The following CDH12 variants were observed in gnomAD, a reference collection of about 807,000 sequenced individuals.
CDH12 encodes the protein cadherin 12.
A neutral mutation model predicts 74.1 loss-of-function variants in CDH12; 41 were observed. The observed-to-expected ratio is 0.55, with a 90% CI of 0.43 to 0.72. The LOEUF (loss-of-function observed/expected upper bound fraction) is 0.72. CDH12 is among the 30% of genes least tolerant of loss of function. The pLI, the probability that CDH12 is intolerant of heterozygous loss-of-function variation, is 0.00. For synonymous variants in CDH12, 399 were observed against 355.0 expected (o/e 1.12, Z -1.39); for missense variants, 945 against 977.2 (o/e 0.97, Z 0.44).
chr5:22,045,794 T>C (rs1457743491), intron 5 of CDH12, among the ~76,000 whole-genome samples: 2 of 152,058 alleles, frequency 1.3e-5, no homozygotes, highest in African/African-American at 4.8e-5. Flanking sequence ...CTGAGGAGGA[T>C]AGTGGTAGGA....
chr5:22,521,662 C>A (rs1356043898), intron 1 of CDH12, among the ~76,000 whole-genome samples: 4 of 152,128 alleles, frequency 2.6e-5, no homozygotes, highest in Non-Finnish European at 5.9e-5. Flanking sequence ...CTGTAAGGAG[C>A]CAGACACTAA....
intron 5 of CDH12, among the ~76,000 whole-genome samples, chr5:21,996,003 C>A (rs1371962073): frequency 1.3e-5 from 2 of 151,092 alleles, no homozygotes; most frequent in South Asian, 4.2e-4. Context: ...TCTGAGTACA[C>A]GTTGGTGCTA....
chr5:22,586,614 C>T (rs1740417222), intron 1 of CDH12, among the ~76,000 whole-genome samples: 2 of 151,316 alleles, frequency 1.3e-5, no homozygotes, highest in Non-Finnish European at 2.9e-5. Flanking sequence ...GATGAATAAA[C>T]ATTTTGAAGC....
chr5:22,598,551 C>T lies in CDH12; in HGVS notation c.-522-93187G>A, dbSNP rs920382611. Among the ~76,000 whole-genome samples, 45 of 152,068 alleles carry T rather than the reference C, an allele frequency of 3.0e-4. 1 individual carries two copies. The highest frequency in any genetic ancestry group is 1.5e-5 in the Non-Finnish European group (1 of 68,014). The stretch of plus-strand genomic sequence containing the variant: ...TAAACCTCTTTCCTTTATAAATTAC[C>T]CAGTTTGGGGTATTTCTTCATAGCA... On this transcript the variant is annotated intron_variant, in intron 1 of 14. Coordinates refer to ENST00000382254, the MANE Select transcript of CDH12 (RefSeq NM_004061.5).
At chr5:22,238,652 G>A (rs779848956) in intron 3 of CDH12, among the ~76,000 whole-genome samples, 4 of 152,194 alleles carry the variant, frequency 2.6e-5, no homozygotes, top group Non-Finnish European at 5.9e-5. Context: ...TATCCAACAT[G>A]TGTTGAGAAT....
At chr5:22,236,719 C>G (rs573655562) in intron 3 of CDH12, among the ~76,000 whole-genome samples, 1 of 152,268 alleles carries the variant, frequency 6.6e-6, no homozygotes, top group East Asian at 1.9e-4. Context: ...GCACGCCACT[C>G]TGGGCTATGG....
At chr5:22,006,351 C>A (rs1244906446) in intron 5 of CDH12, among the ~76,000 whole-genome samples, 1 of 151,878 alleles carries the variant, frequency 6.6e-6, no homozygotes, top group Non-Finnish European at 1.5e-5. Flanking sequence ...GAAATGCTTT[C>A]TCGGGTAATT....
At chr5:22,180,488 ATT>A (rs528439938) in intron 4 of CDH12, among the ~76,000 whole-genome samples, 1 of 82,904 alleles carries the variant, frequency 1.2e-5, no homozygotes, top group Non-Finnish European at 2.8e-5. Context: ...ACAGTTTTTG[ATT>A]TTTTTTTGTT....
chr5:22,488,386 A>G (rs777307771), intron 2 of CDH12, among the ~76,000 whole-genome samples: 2 of 152,168 alleles, frequency 1.3e-5, no homozygotes, highest in Admixed American at 6.5e-5. Context: ...TGTCATGGCT[A>G]TCTTAAAAAA....
intron 2 of CDH12, among the ~76,000 whole-genome samples, chr5:22,451,802 T>C (rs1190079113): frequency 2.6e-5 from 4 of 151,906 alleles, no homozygotes; most frequent in African/African-American, 9.7e-5. Context: ...CATTATCTTG[T>C]ATATATAAAA....
intron 1 of CDH12, among the ~76,000 whole-genome samples, chr5:22,668,646 T>C (rs114566476): frequency 0.013 from 1,918 of 152,244 alleles, 35 homozygotes; most frequent in African/African-American, 0.044. Flanking sequence ...CTCTCTCTTA[T>C]GGTAACCCAT....
intron 3 of CDH12, among the ~76,000 whole-genome samples, chr5:22,217,371 T>C (rs1751842837): frequency 6.6e-6 from 1 of 151,816 alleles, no homozygotes; most frequent in South Asian, 2.1e-4. Flanking sequence ...TATCTTAAAA[T>C]TGGAGAGCAT....
chr5:22,768,034 A>T lies in CDH12; in HGVS notation c.-523+85024T>A, dbSNP rs561948289. On this transcript the variant is annotated intron_variant, in intron 1 of 14. Transcript: ENST00000382254. ...TTATAAATTCAGTGAAAAAAAGACA[A>T]GGAAAATTTGATCATGGTTTTTGGA... Among the ~76,000 whole-genome samples, 65 of 152,160 alleles carry T rather than the reference A, an allele frequency of 4.3e-4. No homozygotes were observed. In the South Asian group the frequency reaches 0.013, roughly 30 times the overall value.
At chr5:22,049,706 T>A (rs932069556) in intron 5 of CDH12, among the ~76,000 whole-genome samples, 1 of 152,152 alleles carries the variant, frequency 6.6e-6, no homozygotes, top group Admixed American at 6.6e-5. Flanking sequence ...ACACAGAGAC[T>A]TCTTAGCTAA....
intron 1 of CDH12, among the ~76,000 whole-genome samples, chr5:22,747,862 A>C (rs1745374973): frequency 6.6e-6 from 1 of 152,182 alleles, no homozygotes; most frequent in Non-Finnish European, 1.5e-5. Context: ...AAATGGATAG[A>C]TAGCTATAGG....
Position 21,801,764 on chromosome 5 carries a change from G to T in CDH12, c.1256+403C>A, listed in dbSNP as rs141844275. Reference sequence around the variant, plus strand: ...AACACTAACTTTGGGTAAGGGGTCAGAAATTTTAGAGTAATTATAAAATGT... The same window carrying T: ...AACACTAACTTTGGGTAAGGGGTCATAAATTTTAGAGTAATTATAAAATGT... On this transcript the variant is annotated intron_variant, in intron 10 of 14. Transcript: ENST00000382254. 4.6e-3 allele frequency among the ~76,000 whole-genome samples: 704 copies of T among 152,264 alleles called. 7 individuals carry two copies. The highest frequency in any genetic ancestry group is 0.016 in the African/African-American group (668 of 41,560).
At chr5:22,353,295 A>G (rs1180938017) in intron 3 of CDH12, among the ~76,000 whole-genome samples, 2 of 152,200 alleles carry the variant, frequency 1.3e-5, no homozygotes, top group Admixed American at 1.3e-4. Context: ...TATTTTCTAC[A>G]TAATTACAGA....
intron 1 of CDH12, among the ~76,000 whole-genome samples, chr5:22,624,718 T>C (rs894275965): frequency 6.6e-6 from 1 of 152,232 alleles, no homozygotes; most frequent in African/African-American, 2.4e-5. Flanking sequence ...GGTGGGATTG[T>C]AAACTAGTTC....
At chr5:21,819,916 T>C (rs899231678) in intron 8 of CDH12, among the ~76,000 whole-genome samples, 8 of 151,996 alleles carry the variant, frequency 5.3e-5, no homozygotes, top group African/African-American at 1.9e-4. Flanking sequence ...TGAGAGCCAG[T>C]TGAAGTTACA....
Sources: gnomAD v4.1 joint callset for allele counts (sites outside exome capture counted in the v4.1 genomes callset) on GRCh38, gnomAD v4.1.1 for gene constraint, MANE v1.5 for transcripts, NCBI Gene and HGNC (gene_info 2026-07-23, HGNC 2026-07-21) for gene names.